The following TRAF3IP2 variants were observed in gnomAD, a reference collection of about 807,000 sequenced individuals.
TRAF3IP2 encodes E3 ubiquitin ligase TRAF3IP2.
In TRAF3IP2, 35 loss-of-function variants were observed where a neutral mutation model predicts 57.9. The ratio of observed to expected loss-of-function variants is 0.60; its 90% CI spans 0.46 to 0.80. TRAF3IP2 has a LOEUF of 0.80. TRAF3IP2 is among the 30% of genes least tolerant of loss of function. The pLI is 0.00. For synonymous variants in TRAF3IP2, 251 were observed against 268.9 expected (o/e 0.93, Z 0.65); for missense variants, 556 against 706.4 (o/e 0.79, Z 2.41).
chr6:111,582,033 A>G (rs1026497306), intron 2 of TRAF3IP2, among the ~76,000 whole-genome samples: 2 of 152,218 alleles, frequency 1.3e-5, no homozygotes, highest in Non-Finnish European at 2.9e-5. Flanking sequence ...GGAGCCATCT[A>G]CGTTTTCAAA....
intron 6 of TRAF3IP2, chr6:111,566,875 G>C (rs1051545986): frequency 2.6e-6 from 1 of 390,136 alleles, no homozygotes; most frequent in Non-Finnish European, 4.8e-6. Context: ...TGGCAAAAAG[G>C]CACTGCAACA....
At chr6:111,580,719 T>C (rs1319690558) in intron 2 of TRAF3IP2, among the ~76,000 whole-genome samples, 2 of 152,206 alleles carry the variant, frequency 1.3e-5, no homozygotes. Context: ...AAGAACCTCT[T>C]TCACACCACC....
chr6:111,568,203 A>G (rs1243015212), intron 5 of TRAF3IP2, among the ~76,000 whole-genome samples: 2 of 152,206 alleles, frequency 1.3e-5, no homozygotes, highest in Non-Finnish European at 2.9e-5. Flanking sequence ...GGATTGTATG[A>G]AACTTGGAGC....
At chr6:111,585,614 G>T (rs1796304155) in intron 2 of TRAF3IP2, among the ~76,000 whole-genome samples, 1 of 152,102 alleles carries the variant, frequency 6.6e-6, no homozygotes, top group African/African-American at 2.4e-5. Context: ...TGTGAGAAGG[G>T]GAGACATATG....
At chr6:111,565,272 CT>C (rs1795595987) in intron 7 of TRAF3IP2, 1 of 152,248 alleles carries the variant, frequency 6.6e-6, no homozygotes, top group African/African-American at 2.4e-5. Flanking sequence ...CCTACATCTG[CT>C]TCCCCTGAGG....
chr6:111,594,387 T>G, intron 1 of TRAF3IP2: 1 of 334,076 alleles, frequency 3.0e-6, no homozygotes, highest in Non-Finnish European at 6.0e-6. Context: ...TGCCATGGGA[T>G]TTGCTTTCAA....
At position 111,591,857 on chromosome 6, in the gene TRAF3IP2, G is replaced by A; in HGVS notation, c.230C>T (p.Ser77Phe). ...AGTGCGCAGGCAGGTGACCTGCCGGGATACAGGCCGCTGGTGATTTGCAAG... is the reference window on the plus strand; with the variant it reads ...AGTGCGCAGGCAGGTGACCTGCCGGAATACAGGCCGCTGGTGATTTGCAAG... ...LKLANHQRPV[S>F]RQVTCLRTQV... is the part of the protein sequence containing the mutation. Residue 77 changes from serine (S) to phenylalanine (F), a missense_variant, in exon 2 of 9, where the codon TCC (serine) becomes TTC (phenylalanine). This residue lies in a region of TRAF3IP2 where 428 missense variants were observed against 498.7 expected (regional missense o/e 0.86). Transcript: ENST00000368761. The surrounding 1 kb of genome is among the most constrained non-coding windows in gnomAD (Gnocchi z 4.9). 1 of 1,614,238 alleles carries A rather than the reference G, an allele frequency of 6.2e-7. No homozygotes were observed. Among genetic ancestry groups the A allele is most frequent in the Non-Finnish European group, 8.5e-7 (1 of 1,180,046 alleles).
At chr6:111,566,411 A>G in intron 7 of TRAF3IP2, 33 bp downstream of exon 7, 1 of 1,515,902 alleles carries the variant, frequency 6.6e-7, no homozygotes, top group Non-Finnish European at 9.1e-7. Flanking sequence ...TCCCCAGGGG[A>G]CAGTGAGGTG....
rs185626888 is a variant in TRAF3IP2, at chr6:111,597,306, C to T, written c.-8-5212G>A. 7.2e-5 allele frequency among the ~76,000 whole-genome samples: 11 copies of T among 152,312 alleles called. No homozygotes were observed. In the East Asian group the frequency reaches 1.9e-3, roughly 27 times the overall value. On this transcript the variant is annotated intron_variant, in intron 1 of 8. Transcript: ENST00000368761. Reference sequence around the variant, plus strand: ...GCAGAATAAAGGTGATGCCATCAGCCAGTGTAATGGGAGCATCTGCTCTTA... The same window carrying T: ...GCAGAATAAAGGTGATGCCATCAGCTAGTGTAATGGGAGCATCTGCTCTTA...
chr6:111,567,823 C>T (rs562043642), intron 5 of TRAF3IP2, 131 bp from the exon 6 acceptor site: 2 of 598,962 alleles, frequency 3.3e-6, no homozygotes, highest in Middle Eastern at 6.5e-4. Context: ...AGAAGGAGCA[C>T]ATAGGTCTAA....
chr6:111,585,155 T>A (rs1042078533), intron 2 of TRAF3IP2, among the ~76,000 whole-genome samples: 2 of 152,068 alleles, frequency 1.3e-5, no homozygotes, highest in Non-Finnish European at 2.9e-5. Context: ...ACTTCCCTTA[T>A]AGCACTTATA....
chr6:111,596,913 G>T (rs1050107706), intron 1 of TRAF3IP2, among the ~76,000 whole-genome samples: 1 of 152,192 alleles, frequency 6.6e-6, no homozygotes, highest in Admixed American at 6.5e-5. Context: ...CATGATTTTT[G>T]ACTGTTCTGT....
chr6:111,570,457 A>G (rs1293630664), intron 5 of TRAF3IP2, among the ~76,000 whole-genome samples: 2 of 152,284 alleles, frequency 1.3e-5, no homozygotes, highest in Non-Finnish European at 1.5e-5. Flanking sequence ...TAGGCCCCTT[A>G]TTACACTCTC....
intron 2 of TRAF3IP2, chr6:111,587,124 G>A (rs1796363127): frequency 6.6e-6 from 1 of 152,142 alleles, no homozygotes; most frequent in Non-Finnish European, 1.5e-5. Flanking sequence ...AGGGCCAAGG[G>A]ACATGCAAGG....
rs981624807 is a variant in TRAF3IP2 at position 111,560,763 on chromosome 6, G to A, written c.1552-1212C>T. ...GAAAATTTGGTCTATTTTGTATATC[G>A]CCATGCTCCAATAATTCTCAACAAT... On this transcript the variant is annotated intron_variant, in intron 8 of 8. Coordinates refer to ENST00000368761, the MANE Select transcript of TRAF3IP2 (RefSeq NM_147686.4). Among the ~76,000 whole-genome samples, 7 of 152,254 alleles carry A rather than the reference G, an allele frequency of 4.6e-5. No homozygotes were observed. In the East Asian group the frequency reaches 7.7e-4, roughly 17 times the overall value.
intron 2 of TRAF3IP2, among the ~76,000 whole-genome samples, chr6:111,582,815 T>G (rs1796208308): frequency 6.6e-6 from 1 of 152,142 alleles, no homozygotes; most frequent in Non-Finnish European, 1.5e-5. Context: ...CCTGTAGATC[T>G]TGCCTCCCAC....
chr6:111,588,902 T>C (rs1035880033), intron 2 of TRAF3IP2, among the ~76,000 whole-genome samples: 2 of 152,100 alleles, frequency 1.3e-5, no homozygotes, highest in African/African-American at 4.8e-5. Flanking sequence ...TAATTTTAGA[T>C]TAAAAATATA....
chr6:111,592,239 A>G, intron 1 of TRAF3IP2, 145 bp from the exon 2 acceptor site: 1 of 726,956 alleles, frequency 1.4e-6, no homozygotes, highest in Non-Finnish European at 2.3e-6. Flanking sequence ...TAATCACATA[A>G]AATTGTTTAC....
intron 1 of TRAF3IP2, chr6:111,601,017 T>C: frequency 1.9e-6 from 1 of 521,028 alleles, no homozygotes; most frequent in Non-Finnish European, 3.5e-6. Flanking sequence ...CACATGGCTA[T>C]TAAGTAGCAG....
Sources: gnomAD v4.1 joint callset for allele counts (sites outside exome capture counted in the v4.1 genomes callset) on GRCh38, gnomAD v4.1.1 for gene constraint, gnomAD v4.1.1 regional missense constraint, Gnocchi (gnomAD v3.1) non-coding constraint, MANE v1.5 for transcripts, NCBI Gene and HGNC (gene_info 2026-07-23, HGNC 2026-07-21) for gene names.